LPGAT1: variants seen among roughly 807,000 people sequenced by gnomAD.
LPGAT1 encodes the protein lysophosphatidylglycerol acyltransferase 1, also known as acyl-CoA:lysophosphatidylglycerol acyltransferase 1.
In LPGAT1, 11 loss-of-function variants were observed where a neutral mutation model predicts 47.5. The observed-to-expected ratio is 0.23, with a 90% CI of 0.15 to 0.38. The LOEUF is 0.38. Among genes scored for constraint, LPGAT1 ranks in the 10% least tolerant of loss-of-function variants. LPGAT1 has a pLI of 1.00. For synonymous variants in LPGAT1, 138 were observed against 144.2 expected (o/e 0.96, Z 0.31); for missense variants, 293 against 439.0 (o/e 0.67, Z 2.97).
chr1:211,787,950 ATATATCAC>A (rs1217405471), intron 3 of LPGAT1, among the ~76,000 whole-genome samples: 4 of 152,236 alleles, frequency 2.6e-5, no homozygotes, highest in Admixed American at 6.5e-5. Context: ...TCACAGGTAC[ATATATCAC>A]TATATAAAAA....
At chr1:211,817,684 T>C (rs1192780287) in intron 2 of LPGAT1, among the ~76,000 whole-genome samples, 1 of 152,152 alleles carries the variant, frequency 6.6e-6, no homozygotes, top group Non-Finnish European at 1.5e-5. Context: ...ACTGGCAACA[T>C]TTTACCATGT....
At chr1:211,763,490 GAGAA>G (rs746970533) in intron 6 of LPGAT1, among the ~76,000 whole-genome samples, 3 of 152,054 alleles carry the variant, frequency 2.0e-5, no homozygotes, top group Non-Finnish European at 4.4e-5. Flanking sequence ...CCACAACTGT[GAGAA>G]AGAAACTTAC....
chr1:211,807,828 G>A (rs559237657), intron 2 of LPGAT1, among the ~76,000 whole-genome samples: 1 of 152,094 alleles, frequency 6.6e-6, no homozygotes, highest in South Asian at 2.1e-4. Flanking sequence ...CTGAGTTTGG[G>A]CAAAGTACTC....
chr1:211,770,292 TTG>T (rs1246318581), intron 6 of LPGAT1, among the ~76,000 whole-genome samples: 6 of 152,166 alleles, frequency 3.9e-5, no homozygotes, highest in South Asian at 2.1e-4. Flanking sequence ...CTGCATCGAT[TTG>T]TGTGTGTTAA....
chr1:211,813,903 A>C (rs920540812), intron 2 of LPGAT1, among the ~76,000 whole-genome samples: 4 of 152,234 alleles, frequency 2.6e-5, no homozygotes, highest in African/African-American at 9.6e-5. Flanking sequence ...AGACAGGAAA[A>C]GAAAAGGTAA....
chr1:211,802,099 A>G (rs1240954762), intron 2 of LPGAT1, among the ~76,000 whole-genome samples: 1 of 151,248 alleles, frequency 6.6e-6, no homozygotes, highest in Non-Finnish European at 1.5e-5. Context: ...AAAAAAAAAA[A>G]AAAGAGAAAA....
chr1:211,758,046 G>A (rs919891708), intron 6 of LPGAT1, among the ~76,000 whole-genome samples: 2 of 152,202 alleles, frequency 1.3e-5, no homozygotes, highest in African/African-American at 4.8e-5. Flanking sequence ...ACCATATAAT[G>A]CTAGGCTTAC....
intron 2 of LPGAT1, chr1:211,793,427 T>G (rs12121056): frequency 4.2e-5 from 6 of 142,012 alleles, no homozygotes; most frequent in Non-Finnish European, 6.2e-5. Context: ...ATTTATTTAT[T>G]TATTTATTTA....
At chr1:211,810,071 T>C (rs575710070) in intron 2 of LPGAT1, among the ~76,000 whole-genome samples, 2 of 152,216 alleles carry the variant, frequency 1.3e-5, no homozygotes, top group African/African-American at 4.8e-5. Context: ...TGAGATATTT[T>C]AAGTCAAGCA....
chr1:211,830,027 G>A lies in LPGAT1; in HGVS notation c.-28+546C>T, dbSNP rs2102618460. Reference sequence around the variant, plus strand: ...TAAAAGCCAAGGAACTGGGGATGAAGAGAATGAGATTTCCGACCAGAGGGC... The same window carrying A: ...TAAAAGCCAAGGAACTGGGGATGAAAAGAATGAGATTTCCGACCAGAGGGC... On this transcript the variant is annotated intron_variant, in intron 1 of 7. Coordinates refer to ENST00000366997, the MANE Select transcript of LPGAT1 (RefSeq NM_014873.3). This position sits in a 1 kb window ranked among gnomAD's most constrained non-coding sequence, Gnocchi z 5.9. The A allele has an allele frequency of 1.0e-6, 1 of 985,846 alleles. No individual in the cohort carries two copies. The highest frequency in any genetic ancestry group is 1.7e-5 in the African/African-American group (1 of 57,360). The allele number at this position is 985,846 out of a possible 1,614,324, so 61.1% of individuals were successfully genotyped here. A position where few individuals can be genotyped will look rare whatever the true frequency, so the allele number is the denominator to read the frequency against.
chr1:211,808,972 C>T (rs894845801), intron 2 of LPGAT1, among the ~76,000 whole-genome samples: 107 of 151,374 alleles, frequency 7.1e-4, no homozygotes, highest in African/African-American at 2.5e-3. Flanking sequence ...CTGAGGTGGG[C>T]GGATCACGAG....
intron 2 of LPGAT1, among the ~76,000 whole-genome samples, chr1:211,825,185 CTTCTT>C (rs1660506028): frequency 1.1e-5 from 1 of 93,846 alleles, no homozygotes; most frequent in East Asian, 3.3e-4. Context: ...CATGCACAGT[CTTCTT>C]TTTTTTTTTT....
At chr1:211,794,539 C>G (rs1345788812) in intron 2 of LPGAT1, among the ~76,000 whole-genome samples, 2 of 152,100 alleles carry the variant, frequency 1.3e-5, no homozygotes, top group Non-Finnish European at 2.9e-5. Context: ...CTCCTGGGCT[C>G]AAGCAATCCA....
chr1:211,748,240 A>G lies in LPGAT1; in HGVS notation c.*1659T>C, dbSNP rs1033968102. The G allele has an allele frequency of 6.6e-6, 1 of 152,648 alleles. No homozygotes were observed. The highest frequency in any genetic ancestry group is 2.4e-5 in the African/African-American group (1 of 41,458). The allele number at this position is 152,648 out of a possible 1,614,324, so 9.5% of individuals were successfully genotyped here. On this transcript the variant is annotated 3_prime_UTR_variant, in exon 8 of 8. Transcript: ENST00000366997. The stretch of plus-strand genomic sequence containing the variant: ...TTACTAGGATCTTAATAGTCTTACA[A>G]TCCCAAACAAAAACCCTACTCATCT...
chr1:211,818,839 T>C (rs1011254695), intron 2 of LPGAT1, among the ~76,000 whole-genome samples: 3 of 152,172 alleles, frequency 2.0e-5, no homozygotes, highest in African/African-American at 7.2e-5. Context: ...GGAAATAGAG[T>C]GGATGTCTTA....
At chr1:211,771,374 G>C (rs1160523771) in intron 6 of LPGAT1, among the ~76,000 whole-genome samples, 2 of 152,154 alleles carry the variant, frequency 1.3e-5, no homozygotes, top group African/African-American at 4.8e-5. Flanking sequence ...CTGTCATTAA[G>C]TGACACATGA....
intron 7 of LPGAT1, 83 bp from the exon 8 acceptor site, chr1:211,750,133 C>T: frequency 2.5e-6 from 3 of 1,218,062 alleles, no homozygotes; most frequent in Non-Finnish European, 3.6e-6. Flanking sequence ...AGCTTAACTA[C>T]ATTTGTACAT....
At chr1:211,829,985 CAA>C in intron 1 of LPGAT1, 6 of 985,486 alleles carry the variant, frequency 6.1e-6, no homozygotes, top group Non-Finnish European at 7.2e-6. Flanking sequence ...GGGAAGGGAG[CAA>C]AAGCCAGAAA....
intron 6 of LPGAT1, among the ~76,000 whole-genome samples, chr1:211,769,002 G>A (rs374018751): frequency 6.6e-6 from 1 of 152,132 alleles, no homozygotes; most frequent in African/African-American, 2.4e-5. Context: ...GAAGGAAGAG[G>A]TCAAATAAGG....
Sources: gnomAD v4.1 joint callset for allele counts (sites outside exome capture counted in the v4.1 genomes callset) on GRCh38, gnomAD v4.1.1 for gene constraint, Gnocchi (gnomAD v3.1) non-coding constraint, MANE v1.5 for transcripts, NCBI Gene and HGNC (gene_info 2026-07-23, HGNC 2026-07-21) for gene names.